Variants in TSPAN12 observed in about 807,000 individuals in gnomAD.
TSPAN12 encodes the protein tetraspanin-12.
In TSPAN12, 19 loss-of-function variants were observed where a neutral mutation model predicts 39.2. The observed-to-expected ratio is 0.49, with a 90% CI of 0.34 to 0.71. TSPAN12 has a LOEUF of 0.71. Ranked by LOEUF, TSPAN12 falls within the 30% of genes least tolerant of loss-of-function variation. The probability of loss-of-function intolerance (pLI) is 0.01; values close to 1 mark genes in which losing one functional copy is unlikely to be tolerated. For missense variants in TSPAN12, 314 were observed against 359.9 expected, an observed-to-expected ratio of 0.87 and a Z score of 1.03; for synonymous variants, 119 against 124.8, an observed-to-expected ratio of 0.95 and a Z score of 0.31.
chr7:120,849,249 G>A (rs893781734), intron 2 of TSPAN12, among the ~76,000 whole-genome samples: 2 of 152,178 alleles, frequency 1.3e-5, no homozygotes, highest in African/African-American at 4.8e-5. Flanking sequence ...TACTTAGAAA[G>A]TGCTAGCTTT....
At chr7:120,811,636 C>G (rs1203022798) in intron 5 of TSPAN12, among the ~76,000 whole-genome samples, 1 of 149,598 alleles carries the variant, frequency 6.7e-6, no homozygotes, top group Non-Finnish European at 1.5e-5. Flanking sequence ...CGCCACTGCA[C>G]TCCAGCCTGG....
chr7:120,834,189 T>G (rs892437371), intron 4 of TSPAN12, among the ~76,000 whole-genome samples: 1 of 152,188 alleles, frequency 6.6e-6, no homozygotes, highest in Non-Finnish European at 1.5e-5. Context: ...AATTTAAATT[T>G]CAATGAATAA....
At chr7:120,853,738 G>A (rs1333231140) in intron 2 of TSPAN12, among the ~76,000 whole-genome samples, 1 of 150,836 alleles carries the variant, frequency 6.6e-6, no homozygotes, top group Non-Finnish European at 1.5e-5. Flanking sequence ...GCTGGGCATG[G>A]TGGTGCACAC....
At chr7:120,849,986 G>A (rs1471447462) in intron 2 of TSPAN12, among the ~76,000 whole-genome samples, 1 of 152,148 alleles carries the variant, frequency 6.6e-6, no homozygotes, top group Non-Finnish European at 1.5e-5. Flanking sequence ...ATGTTGCCAG[G>A]CCTGCTCCCT....
chr7:120,857,184 A>T, intron 1 of TSPAN12: 2 of 345,214 alleles, frequency 5.8e-6, no homozygotes, highest in Non-Finnish European at 1.1e-5. Context: ...CCTCGAGGAC[A>T]GCTGTGCTCG....
rs542104991 is a variant in TSPAN12, at chr7:120,842,434, C to T, written c.67-2325G>A. ...ACAGGCAATAATTACACAAAGAAGA[C>T]AATTACAAACTGTTAAAAAAAAAAA... is the stretch of plus-strand genomic sequence containing the variant. On this transcript the variant is annotated intron_variant, in intron 2 of 7. Transcript: ENST00000222747. 2.2e-5 allele frequency among the ~76,000 whole-genome samples: 3 copies of T among 134,228 alleles called. No individual in the cohort carries two copies. In the South Asian group the frequency reaches 7.1e-4, roughly 32 times the overall value. 88.1% of individuals were successfully genotyped at this position (134,228 alleles called of 152,430 possible). A position where few individuals can be genotyped will look rare whatever the true frequency, so the allele number is the denominator to read the frequency against.
Position 120,815,587 on chromosome 7 carries a change from A to T in TSPAN12, c.360+142T>A, listed in dbSNP as rs140497072. On this transcript the variant is annotated intron_variant, in intron 5 of 7. Transcript: ENST00000222747. Reference sequence around the variant, plus strand: ...TAAGTTTCCTGAGGCCTCCCCAGCCATGCTGAACTGTGAGTTAATTTACAA... The same window carrying T: ...TAAGTTTCCTGAGGCCTCCCCAGCCTTGCTGAACTGTGAGTTAATTTACAA... 1.5e-3 allele frequency: 1,209 copies of T among 788,770 alleles called. 11 individuals carry two copies. In the African/African-American group the frequency reaches 0.017, roughly 11 times the overall value. 48.9% of individuals were successfully genotyped at this position (788,770 alleles called of 1,614,324 possible).
rs1483459205 is a variant in TSPAN12, at chr7:120,788,216, T to C, written c.*376A>G. The C allele has an allele frequency of 3.8e-6, 1 of 260,970 alleles. No homozygotes were observed. Among genetic ancestry groups the C allele is most frequent in the Non-Finnish European group, 7.4e-6 (1 of 135,306 alleles). The allele number at this position is 260,970 out of a possible 1,614,324, so 16.2% of individuals were successfully genotyped here. On this transcript the variant is annotated 3_prime_UTR_variant, in exon 8 of 8. Coordinates refer to ENST00000222747, the MANE Select transcript of TSPAN12 (RefSeq NM_012338.4). The stretch of plus-strand genomic sequence containing the variant: ...GTTAGCATTTAATTAGTACTTTATA[T>C]ACTAGTTGGTAGAAGTAAATCAACC...
intron 6 of TSPAN12, 52 bp from the exon 7 acceptor site, chr7:120,806,744 A>G (rs1022787708): frequency 1.2e-6 from 2 of 1,609,892 alleles, no homozygotes; most frequent in Non-Finnish European, 1.7e-6. Flanking sequence ...TATTTTCTTA[A>G]CTTATAGGAG....
Position 120,788,811 on chromosome 7 carries a change from T to C in TSPAN12, c.699A>G (p.Thr233=). ...TGGTGAGAATCATGGCCAGGATTTG[T>C]GTCACCCCAATGGAGATTCCCAGAA... The part of the protein sequence containing the change: ...LRFLGISIGV[T]QILAMILTIT... The change falls in exon 8 of 8, where the codon ACA becomes ACG. Residue 233 remains threonine (T), a synonymous_variant. Coordinates refer to ENST00000222747, the MANE Select transcript of TSPAN12 (RefSeq NM_012338.4). 1 of 1,614,164 alleles carries C rather than the reference T, an allele frequency of 6.2e-7. No individual in the cohort carries two copies. The highest frequency in any genetic ancestry group is 2.2e-5 in the East Asian group (1 of 44,878).
chr7:120,807,318 C>T (rs997083756), intron 6 of TSPAN12, among the ~76,000 whole-genome samples: 1 of 152,042 alleles, frequency 6.6e-6, no homozygotes, highest in African/African-American at 2.4e-5. Context: ...GGTGTGTGTG[C>T]CTTTAGCTTG....
chr7:120,793,475 A>G (rs1384122546), intron 7 of TSPAN12, among the ~76,000 whole-genome samples: 1 of 152,182 alleles, frequency 6.6e-6, no homozygotes, highest in Non-Finnish European at 1.5e-5. Context: ...CAAAGGTCCT[A>G]CCTAGTTAGA....
intron 4 of TSPAN12, among the ~76,000 whole-genome samples, chr7:120,827,492 G>C (rs973490067): frequency 6.6e-6 from 1 of 152,080 alleles, no homozygotes; most frequent in African/African-American, 2.4e-5. Flanking sequence ...AATGTTCAGA[G>C]AAGAAAAATG....
chr7:120,814,873 C>G (rs1794050360), intron 5 of TSPAN12, among the ~76,000 whole-genome samples: 1 of 152,170 alleles, frequency 6.6e-6, no homozygotes, highest in Non-Finnish European at 1.5e-5. Flanking sequence ...AAACACACAG[C>G]AACTCTTCAA....
rs910760807 is a variant in TSPAN12, at chr7:120,858,097, G to C, written c.-348C>G. ...CCCTCCCAAGTCCTCTCCGAGTCCG[G>C]ACGAGGCAGCGGCGGCAGCCAGGGC... On this transcript the variant is annotated 5_prime_UTR_variant, in exon 1 of 8. Transcript: ENST00000222747. 3.9e-5 allele frequency: 6 copies of C among 152,354 alleles called. No homozygotes were observed. The highest frequency in any genetic ancestry group is 1.4e-4 in the African/African-American group (6 of 41,560). The allele number at this position is 152,354 out of a possible 1,614,324, so 9.4% of individuals were successfully genotyped here.
chr7:120,850,554 C>T (rs1300885900), intron 2 of TSPAN12, among the ~76,000 whole-genome samples: 1 of 152,174 alleles, frequency 6.6e-6, no homozygotes, highest in Admixed American at 6.5e-5. Context: ...CAGTATGCAG[C>T]AGAATGTGCT....
chr7:120,839,859 C>T (rs1169473811), intron 3 of TSPAN12, among the ~76,000 whole-genome samples, 168 bp downstream of exon 3: 3 of 152,074 alleles, frequency 2.0e-5, no homozygotes, highest in South Asian at 4.1e-4. Flanking sequence ...GGACCAGAGG[C>T]GCACCTTAAG....
At chr7:120,829,970 T>C (rs1268667905) in intron 4 of TSPAN12, among the ~76,000 whole-genome samples, 2 of 152,102 alleles carry the variant, frequency 1.3e-5, no homozygotes, top group Non-Finnish European at 2.9e-5. Flanking sequence ...ACTAAGGCCA[T>C]GAATATCACA....
chr7:120,844,097 G>A (rs1794628422), intron 2 of TSPAN12, among the ~76,000 whole-genome samples: 1 of 152,120 alleles, frequency 6.6e-6, no homozygotes, highest in South Asian at 2.1e-4. Context: ...GAGAAAGAGA[G>A]AGCAGAGGAA....
Sources: allele counts gnomAD v4.1 joint callset (sites outside exome capture counted in the v4.1 genomes callset), GRCh38; gene constraint gnomAD v4.1.1; transcripts MANE v1.5; gene names NCBI Gene and HGNC (gene_info 2026-07-23, HGNC 2026-07-21).